The following EPM2A variants were observed in gnomAD, a reference collection of about 807,000 sequenced individuals.
EPM2A encodes the protein EPM2A glucan phosphatase, laforin.
EPM2A carries 21 observed loss-of-function variants against 26.5 expected under a neutral mutation model. That is an observed-to-expected ratio of 0.79 (90% confidence interval 0.56 to 1.14). The LOEUF is 1.14. Among genes scored for constraint, EPM2A ranks in the 50% most tolerant of loss-of-function variants. The probability of loss-of-function intolerance (pLI) is 0.00; values close to 1 mark genes in which losing one functional copy is unlikely to be tolerated. For synonymous variants in EPM2A, 217 were observed against 177.6 expected (o/e 1.22, Z -1.76); for missense variants, 458 against 440.8 (o/e 1.04, Z -0.35).
intron 2 of EPM2A, among the ~76,000 whole-genome samples, chr6:145,618,520 G>A (rs961158828): frequency 6.6e-6 from 1 of 152,166 alleles, no homozygotes; most frequent in African/African-American, 2.4e-5. Flanking sequence ...CATGGCAGTG[G>A]TCATCCTCAT....
chr6:145,641,241 T>C (rs1777063468), intron 2 of EPM2A: 1 of 152,210 alleles, frequency 6.6e-6, no homozygotes, highest in Non-Finnish European at 1.5e-5. Flanking sequence ...GTGACTGTAT[T>C]TGGAGACAGG....
At chr6:145,643,661 T>C (rs1777245638) in intron 2 of EPM2A, among the ~76,000 whole-genome samples, 1 of 152,156 alleles carries the variant, frequency 6.6e-6, no homozygotes, top group Non-Finnish European at 1.5e-5. Context: ...TTATTTCAGC[T>C]CCAAAACAAA....
At chr6:145,387,439 A>C (rs1385952215) in intron 4 of EPM2A, among the ~76,000 whole-genome samples, 1 of 152,028 alleles carries the variant, frequency 6.6e-6, no homozygotes, top group Non-Finnish European at 1.5e-5. Flanking sequence ...ATCAAGGGGG[A>C]GTTCCAGATG....
chr6:145,441,735 G>A (rs1381572187), intron 4 of EPM2A, among the ~76,000 whole-genome samples: 1 of 152,098 alleles, frequency 6.6e-6, no homozygotes, highest in Non-Finnish European at 1.5e-5. Flanking sequence ...GGTGGTGCAT[G>A]CCTGTAGTCC....
At chr6:145,710,720 A>C (rs559969656) in intron 1 of EPM2A, among the ~76,000 whole-genome samples, 4 of 152,224 alleles carry the variant, frequency 2.6e-5, no homozygotes, top group South Asian at 4.1e-4. Flanking sequence ...TGGAACCAAC[A>C]CAAATGTCCA....
intron 4 of EPM2A, among the ~76,000 whole-genome samples, chr6:145,469,878 A>T (rs560391570): frequency 1.3e-5 from 2 of 152,258 alleles, no homozygotes; most frequent in South Asian, 4.1e-4. Flanking sequence ...AACATCATGG[A>T]TGGAACTTGA....
intron 2 of EPM2A, among the ~76,000 whole-genome samples, chr6:145,660,089 G>A (rs1778576528): frequency 6.6e-6 from 1 of 152,100 alleles, no homozygotes; most frequent in East Asian, 1.9e-4. Flanking sequence ...TTTTAACAAC[G>A]ATATTAAGAT....
chr6:145,409,194 A>G (rs543098088), intron 4 of EPM2A, among the ~76,000 whole-genome samples: 22 of 152,274 alleles, frequency 1.4e-4, no homozygotes, highest in African/African-American at 4.8e-4. Flanking sequence ...CTGTAATGTC[A>G]CATGTCTGTA....
intron 3 of EPM2A, chr6:145,629,587 A>C (rs1776091302): frequency 6.6e-6 from 1 of 152,302 alleles, no homozygotes; most frequent in Admixed American, 6.5e-5. Context: ...CCTGCTGAGA[A>C]TGGAGAGGCC....
chr6:145,555,969 A>G (rs1214014912), intron 2 of EPM2A, among the ~76,000 whole-genome samples: 5 of 152,178 alleles, frequency 3.3e-5, no homozygotes, highest in Admixed American at 3.3e-4. Flanking sequence ...GAAATTAATT[A>G]AGACACACAT....
intron 4 of EPM2A, among the ~76,000 whole-genome samples, chr6:145,393,134 G>A (rs1052533878): frequency 6.6e-6 from 1 of 152,004 alleles, no homozygotes; most frequent in African/African-American, 2.4e-5. Context: ...CTCCCGTTAA[G>A]CCATGATTCT....
intron 2 of EPM2A, chr6:145,684,806 A>AATT (rs57771381): frequency 0.64 from 97,253 of 151,664 alleles, 31,811 homozygotes; most frequent in East Asian, 0.77. Flanking sequence ...CAACACCATT[A>AATT]CAGTAGCTCA....
rs993846097 is a variant in EPM2A, at chr6:145,395,137, A to C, written c.556-11040T>G. On this transcript the variant is annotated intron_variant, in intron 4 of 4. Coordinates refer to the EPM2A transcript ENST00000638717. Reference sequence around the variant, plus strand: ...CATTTTTTCCTCCCCTCTCTCCACTATCAAGCAGCAGCTTGGAGGGCTTCT... The same window carrying C: ...CATTTTTTCCTCCCCTCTCTCCACTCTCAAGCAGCAGCTTGGAGGGCTTCT... 2.0e-5 allele frequency among the ~76,000 whole-genome samples: 3 copies of C among 151,990 alleles called. 1 individual carries two copies. In the East Asian group the frequency reaches 5.8e-4, roughly 30 times the overall value.
intron 4 of EPM2A, among the ~76,000 whole-genome samples, chr6:145,384,268 G>A (rs1410788177): frequency 1.3e-5 from 2 of 152,084 alleles, no homozygotes; most frequent in Admixed American, 6.6e-5. Context: ...AAACGTAAAC[G>A]ATAACAACAA....
intron 2 of EPM2A, among the ~76,000 whole-genome samples, chr6:145,512,955 T>C (rs1295223392): frequency 6.6e-6 from 1 of 151,832 alleles, no homozygotes; most frequent in African/African-American, 2.4e-5. Flanking sequence ...CCTGAAACTA[T>C]AAAAATTCTG....
chr6:145,440,966 G>A (rs529088575), intron 4 of EPM2A, among the ~76,000 whole-genome samples: 27 of 152,298 alleles, frequency 1.8e-4, no homozygotes, highest in Non-Finnish European at 4.4e-5. Context: ...TCTTCTCACA[G>A]CTCCACTAGG....
At chr6:145,674,941 G>A (rs752616771) in intron 2 of EPM2A, among the ~76,000 whole-genome samples, 2 of 152,066 alleles carry the variant, frequency 1.3e-5, no homozygotes, top group Non-Finnish European at 2.9e-5. Context: ...AGAACACCAC[G>A]AAGATACTCC....
chr6:145,535,622 G>T (rs928853573), intron 2 of EPM2A, among the ~76,000 whole-genome samples: 1 of 152,106 alleles, frequency 6.6e-6, no homozygotes, highest in East Asian at 1.9e-4. Context: ...CCAATAATAA[G>T]CAAATAAGGA....
At chr6:145,612,746 G>A (rs1009488600) in intron 2 of EPM2A, among the ~76,000 whole-genome samples, 2 of 147,126 alleles carry the variant, frequency 1.4e-5, no homozygotes, top group Non-Finnish European at 3.0e-5. Flanking sequence ...TTATATATAG[G>A]TATATATGTA....
Sources: allele counts gnomAD v4.1 joint callset (sites outside exome capture counted in the v4.1 genomes callset), GRCh38; gene constraint gnomAD v4.1.1; transcripts MANE v1.5; gene names NCBI Gene and HGNC (gene_info 2026-07-23, HGNC 2026-07-21).